ARHGEF6: variants seen among roughly 807,000 people sequenced by gnomAD.
ARHGEF6 encodes the protein rho guanine nucleotide exchange factor 6.
A neutral mutation model predicts 70.3 loss-of-function variants in ARHGEF6; 9 were observed. The ratio of observed to expected loss-of-function variants is 0.13; its 90% CI spans 0.08 to 0.22. The LOEUF is 0.22. Among genes scored for constraint, ARHGEF6 ranks in the 10% least tolerant of loss-of-function variants. The pLI, the probability that ARHGEF6 is intolerant of heterozygous loss-of-function variation, is 1.00. For synonymous variants in ARHGEF6, 201 were observed against 207.8 expected (o/e 0.97, Z 0.28); for missense variants, 470 against 563.0 (o/e 0.83, Z 1.67).
chrX:136,705,697 T>C lies in ARHGEF6; in HGVS notation c.1046+1211A>G, dbSNP rs368076827. Reference sequence around the variant, plus strand: ...GCCTAAAAATGCCAGGTTCATGACCTCTCTTTCTTTAAACTCCAATTTCCA... The same window carrying C: ...GCCTAAAAATGCCAGGTTCATGACCCCTCTTTCTTTAAACTCCAATTTCCA... On this transcript the variant is annotated intron_variant, in intron 9 of 21. Coordinates refer to ENST00000250617, the MANE Select transcript of ARHGEF6 (RefSeq NM_004840.3). 1.3e-4 allele frequency among the ~76,000 whole-genome samples: 15 copies of C among 112,404 alleles called. No homozygotes were observed. In the East Asian group the frequency reaches 4.2e-3, roughly 31 times the overall value.
intron 2 of ARHGEF6, among the ~76,000 whole-genome samples, chrX:136,777,535 T>C (rs2077416026): frequency 9.0e-6 from 1 of 111,203 alleles, no homozygotes; most frequent in South Asian, 3.7e-4. Context: ...ACCTTAAGTA[T>C]GGAGATTCCT....
rs776873209 is a variant in ARHGEF6, at chrX:136,698,841, T to C, written c.1046+8067A>G. Reference sequence around the variant, plus strand: ...CAAAGAGCACCAATAAAGGTAAATATGCAATTATGAAAGACAGTATAAATA... The same window carrying C: ...CAAAGAGCACCAATAAAGGTAAATACGCAATTATGAAAGACAGTATAAATA... On this transcript the variant is annotated intron_variant, in intron 9 of 21. Transcript: ENST00000250617. Among the ~76,000 whole-genome samples, 564 of 112,496 alleles carry C rather than the reference T, an allele frequency of 5.0e-3. 3 individuals carry two copies. Among genetic ancestry groups the C allele is most frequent in the African/African-American group, 0.017 (542 of 31,018 alleles).
At position 136,684,982 on chromosome X, in the gene ARHGEF6, G is replaced by A. The variant is rs762841420; in HGVS notation, c.1392+695C>T. On this transcript the variant is annotated intron_variant, in intron 12 of 21. Coordinates refer to ENST00000250617, the MANE Select transcript of ARHGEF6 (RefSeq NM_004840.3). ...TGTGGACTCTTTCATTATTTCCCAT[G>A]GCCTGTTGCATCCATCTGAACTACT... Among the ~76,000 whole-genome samples, 5 of 111,605 alleles carry A rather than the reference G, an allele frequency of 4.5e-5. No individual in the cohort carries two copies. In the South Asian group the frequency reaches 1.5e-3, roughly 34 times the overall value.
At chrX:136,736,855 C>G (rs1416762761) in intron 5 of ARHGEF6, among the ~76,000 whole-genome samples, 1 of 111,656 alleles carries the variant, frequency 9.0e-6, no homozygotes, top group Non-Finnish European at 1.9e-5. Context: ...TACCAGAGCA[C>G]AAAGTGCTCT....
rs113372672 is a variant in ARHGEF6, at chrX:136,679,872, C to T, written c.1705-212G>A. ...AACAGCACAAAATTGACTCAACATT[C>T]CATGATCCTGTCCTCTCTTTCTCAT... On this transcript the variant is annotated intron_variant, in intron 15 of 21. Coordinates refer to ENST00000250617, the MANE Select transcript of ARHGEF6 (RefSeq NM_004840.3). Among the ~76,000 whole-genome samples the T allele has an allele frequency of 3.1e-3, 347 of 112,426 alleles. 2 individuals are homozygous for T. The highest frequency in any genetic ancestry group is 0.011 in the African/African-American group (337 of 30,991).
chrX:136,667,909 G>C lies in ARHGEF6; in HGVS notation c.*120C>G, dbSNP rs889028087. 1 of 926,080 alleles carries C rather than the reference G, an allele frequency of 1.1e-6. No individual in the cohort carries two copies. The highest frequency in any genetic ancestry group is 1.9e-5 in the African/African-American group (1 of 51,377). 76.3% of individuals were successfully genotyped at this position (926,080 alleles called of 1,213,427 possible). ...GAGAGAAAGAGAAGAGAGAGGGAGA[G>C]AGAGAGAGAGACTCAAACACAAAAC... On this transcript the variant is annotated 3_prime_UTR_variant, in exon 22 of 22. Transcript: ENST00000250617.
chrX:136,668,017 GCA>G lies in ARHGEF6; in HGVS notation c.*10_*11del. 8.3e-7 allele frequency: 1 copy of G among 1,211,234 alleles called. No individual in the cohort carries two copies. The highest frequency in any genetic ancestry group is 1.1e-6 in the Non-Finnish European group (1 of 895,101). On this transcript the variant is annotated 3_prime_UTR_variant, in exon 22 of 22. Coordinates refer to ENST00000250617, the MANE Select transcript of ARHGEF6 (RefSeq NM_004840.3). ...CCCTGAAGGCACACTCCACCCAGTG[GCA>G]CAGTGATGGTTATGGAAGAATTGAG...
chrX:136,681,830 A>C (rs2076335584), intron 14 of ARHGEF6, 60 bp downstream of exon 14: 3 of 1,010,521 alleles, frequency 3.0e-6, no homozygotes, highest in Non-Finnish European at 4.2e-6. Context: ...TATTTATTAA[A>C]TTCCCCTTCA....
At chrX:136,777,836 G>C (rs943169998) in intron 2 of ARHGEF6, among the ~76,000 whole-genome samples, 1 of 108,957 alleles carries the variant, frequency 9.2e-6, no homozygotes, top group East Asian at 2.8e-4. Flanking sequence ...TGGCATTCAC[G>C]ACAACCTGGG....
intron 9 of ARHGEF6, among the ~76,000 whole-genome samples, chrX:136,694,969 T>C: frequency 8.9e-6 from 1 of 111,923 alleles, no homozygotes; most frequent in Non-Finnish European, 1.9e-5. Context: ...GGGCCAATTG[T>C]TATAAGCATT....
intron 6 of ARHGEF6, among the ~76,000 whole-genome samples, chrX:136,718,748 AT>A (rs1273348550): frequency 1.8e-5 from 2 of 110,979 alleles, no homozygotes; most frequent in African/African-American, 6.5e-5. Context: ...TTTTTTAGGC[AT>A]TTTACACACA....
In ARHGEF6 at chrX:136,725,680, G is replaced by A. The variant is rs765395324; in HGVS notation, c.732+6422C>T. On this transcript the variant is annotated intron_variant, in intron 6 of 21. Transcript: ENST00000250617. ...GTTTGCCAGGCCAAGCAACTTCAGA[G>A]CAGTACAATTTGATCTGATGAAATC... Among the ~76,000 whole-genome samples, 6 of 111,978 alleles carry A rather than the reference G, an allele frequency of 5.4e-5. No homozygotes were observed. The South Asian group carries it at 2.2e-3, about 42-fold the overall frequency.
At chrX:136,713,441 A>T in intron 6 of ARHGEF6, 71 bp from the exon 7 acceptor site, 2 of 815,504 alleles carry the variant, frequency 2.5e-6, no homozygotes, top group Non-Finnish European at 3.7e-6. Context: ...TTGATCTTTT[A>T]ACCAAATTAC....
chrX:136,691,180 C>T (rs1020661891), intron 9 of ARHGEF6, among the ~76,000 whole-genome samples: 2 of 111,850 alleles, frequency 1.8e-5, no homozygotes, highest in African/African-American at 3.3e-5. Flanking sequence ...TCACTTCAAA[C>T]GTCCTAGTTA....
chrX:136,727,393 CTT>C (rs572632711), intron 6 of ARHGEF6, among the ~76,000 whole-genome samples: 1,375 of 66,949 alleles, frequency 0.021, 7 homozygotes, highest in Middle Eastern at 0.038. Context: ...TTCTTTCTTT[CTT>C]TCTCTCTCTC....
intron 9 of ARHGEF6, among the ~76,000 whole-genome samples, chrX:136,693,523 T>C (rs995473909): frequency 5.3e-5 from 6 of 112,173 alleles, no homozygotes; most frequent in African/African-American, 1.9e-4. Context: ...TACAGCCCAT[T>C]TGAAATAGCA....
rs755916219 is a variant in ARHGEF6, at chrX:136,732,148, A to G, written c.686T>C (p.Val229Ala). ...AAGTGGAGCAGTTTCAAATCCTTTG[A>G]CGGCTTTTGGGGAGAGAGGTCTCTC... ...SSERPLSPKA[V>A]KGFETAPLTK... Residue 229 changes from valine to alanine, a missense_variant, in exon 6 of 22, where the codon GTC becomes GCC. Physicochemically the swap from Val to Ala is moderately conservative, Grantham distance 64. Coordinates refer to ENST00000250617, the MANE Select transcript of ARHGEF6 (RefSeq NM_004840.3). 3.0e-5 allele frequency: 36 copies of G among 1,207,983 alleles called. No individual in the cohort carries two copies. The highest frequency in any genetic ancestry group is 3.9e-5 in the Non-Finnish European group (35 of 892,524).
At chrX:136,693,566 G>A (rs2295868) in intron 9 of ARHGEF6, among the ~76,000 whole-genome samples, 18,929 of 111,439 alleles carry the variant, frequency 0.17, 1,336 homozygotes, top group East Asian at 0.24. Flanking sequence ...AGCTTAAAAT[G>A]TTCTGTATAT....
intron 3 of ARHGEF6, among the ~76,000 whole-genome samples, chrX:136,746,137 C>T (rs1291555760): frequency 8.9e-6 from 1 of 112,289 alleles, no homozygotes; most frequent in Non-Finnish European, 1.9e-5. Context: ...TTCCTTGATG[C>T]TGTGGGTTTT....
Sources: allele counts gnomAD v4.1 joint callset (sites outside exome capture counted in the v4.1 genomes callset), GRCh38; gene constraint gnomAD v4.1.1; transcripts MANE v1.5; gene names NCBI Gene and HGNC (gene_info 2026-07-23, HGNC 2026-07-21).